GOLGA4: variants seen among roughly 807,000 people sequenced by gnomAD.
GOLGA4 encodes golgin A4.
A neutral mutation model predicts 265.9 loss-of-function variants in GOLGA4; 169 were observed. The observed-to-expected ratio is 0.64, with a 90% CI of 0.56 to 0.72. The LOEUF is 0.72. GOLGA4 is among the 30% of genes least tolerant of loss of function. GOLGA4 has a pLI of 0.00. For synonymous variants in GOLGA4, 923 were observed against 855.8 expected (o/e 1.08, Z -1.37); for missense variants, 2,482 against 2,483.4 (o/e 1.00, Z 0.01).
intron 7 of GOLGA4, among the ~76,000 whole-genome samples, chr3:37,298,145 A>T (rs1487528715): frequency 6.6e-6 from 1 of 152,224 alleles, no homozygotes; most frequent in Non-Finnish European, 1.5e-5. Flanking sequence ...GAGCTGATTT[A>T]TCAAGATAGG....
At position 37,341,928 on chromosome 3, in the gene GOLGA4, AC is replaced by A. The variant is rs60659780; in HGVS notation, c.6472+1730del. ...CAAACACGTTTTTGTCTTTTTTAAA[AC>A]ATTATTTTTCTCAGATTTCTCAAGG... On this transcript the variant is annotated intron_variant, in intron 20 of 23. Transcript: ENST00000361924. 7.1e-3 allele frequency among the ~76,000 whole-genome samples: 1,084 copies of A among 152,322 alleles called. 15 individuals carry two copies. The highest frequency in any genetic ancestry group is 0.024 in the African/African-American group (1,017 of 41,574).
At position 37,285,932 on chromosome 3, in the gene GOLGA4, T is replaced by C. The variant is rs566574805; in HGVS notation, c.478-82T>C. ...ACTCTTCTAATTTATTTTTTGACTT[T>C]CATAAAGAGAATTTTTTAGTGGACT... is the stretch of plus-strand genomic sequence containing the variant. On this transcript the variant is annotated intron_variant, in intron 3 of 23. Transcript: ENST00000361924. The C allele has an allele frequency of 1.1e-5, 9 of 797,046 alleles. No individual in the cohort carries two copies. The South Asian group carries it at 1.6e-4, about 14-fold the overall frequency. 49.4% of individuals were successfully genotyped at this position (797,046 alleles called of 1,614,324 possible).
At chr3:37,250,405 A>G (rs1282931128) in intron 1 of GOLGA4, 2 of 152,198 alleles carry the variant, frequency 1.3e-5, no homozygotes, top group Admixed American at 1.3e-4. Flanking sequence ...CTAAATATGT[A>G]TATGTCTGTC....
chr3:37,282,091 G>A lies in GOLGA4; in HGVS notation c.296G>A (p.Arg99Lys). 1 of 1,614,166 alleles carries A rather than the reference G, an allele frequency of 6.2e-7. No homozygotes were observed. Among genetic ancestry groups the A allele is most frequent in the Non-Finnish European group, 8.5e-7 (1 of 1,180,002 alleles). Residue 99 changes from arginine to lysine, a missense_variant, in exon 3 of 24, where the codon AGA becomes AAA. Physicochemically the swap from Arg to Lys is conservative, Grantham distance 26. This residue lies in a region of GOLGA4 where 1,536 missense variants were observed against 1,483.7 expected (regional missense o/e 1.04). Coordinates refer to ENST00000361924, the MANE Select transcript of GOLGA4 (RefSeq NM_002078.5). ...GAGTCTTTGGTACGAACATCTTCCA[G>A]AGAATCCCTGAATCGACTTGACCTG... ...SKESLVRTSS[R>K]ESLNRLDLDS...
At chr3:37,287,282 A>T (rs556617150) in intron 4 of GOLGA4, among the ~76,000 whole-genome samples, 2 of 152,366 alleles carry the variant, frequency 1.3e-5, no homozygotes, top group South Asian at 4.1e-4. Context: ...CAGAGGTTGC[A>T]TTAAGCCAAG....
At chr3:37,309,814 A>C (rs917792474) in intron 10 of GOLGA4, among the ~76,000 whole-genome samples, 2 of 152,232 alleles carry the variant, frequency 1.3e-5, no homozygotes, top group Admixed American at 6.5e-5. Flanking sequence ...CTACTCTTAC[A>C]TAGACACGTA....
chr3:37,323,626 A>G lies in GOLGA4; in HGVS notation c.1740A>G (p.Leu580=), dbSNP rs1489615065. The stretch of plus-strand genomic sequence containing the variant: ...TGGAAAGTTCTTTGGAAAAAAGCTT[A>G]CAAGAAAACAAAAATCAGTCAAAAG... ...LELESSLEKS[L]QENKNQSKDL... Residue 580 remains leucine (L), a synonymous_variant, in exon 14 of 24, where the codon TTA becomes TTG. Transcript: ENST00000361924. 6.3e-7 allele frequency: 1 copy of G among 1,577,210 alleles called. No individual in the cohort carries two copies. The highest frequency in any genetic ancestry group is 8.6e-7 in the Non-Finnish European group (1 of 1,167,518).
chr3:37,262,656 A>G (rs2096772998), intron 2 of GOLGA4, among the ~76,000 whole-genome samples: 1 of 152,138 alleles, frequency 6.6e-6, no homozygotes. Flanking sequence ...TAATCCCAGC[A>G]GTTTGGGAGG....
At chr3:37,305,756 A>G (rs2096904391) in intron 10 of GOLGA4, among the ~76,000 whole-genome samples, 1 of 152,236 alleles carries the variant, frequency 6.6e-6, no homozygotes, top group South Asian at 2.1e-4. Context: ...TATCTAGAAA[A>G]TAAACTCTCC....
In GOLGA4 at chr3:37,306,501, CTGTGTGTG is replaced by C. The variant is rs35641880; in HGVS notation, c.1234+4205_1234+4212del. Among the ~76,000 whole-genome samples, 690 of 140,210 alleles carry C rather than the reference CTGTGTGTG, an allele frequency of 4.9e-3. 2 individuals carry two copies. Among genetic ancestry groups the C allele is most frequent in the African/African-American group, 0.014 (529 of 38,622 alleles). The allele number at this position is 140,210 out of a possible 152,430, so 92.0% of individuals were successfully genotyped here. A position where few individuals can be genotyped will look rare whatever the true frequency, so the allele number is the denominator to read the frequency against. On this transcript the variant is annotated intron_variant, in intron 10 of 23. Coordinates refer to ENST00000361924, the MANE Select transcript of GOLGA4 (RefSeq NM_002078.5). The stretch of plus-strand genomic sequence containing the variant: ...GTTCACACTAGTTCTTGGCTGTTCT[CTGTGTGTG>C]TGTGTGTGTGTGTGTGTGTGTGTGT...
chr3:37,299,005 A>G lies in GOLGA4; in HGVS notation c.987A>G (p.Glu329=). Residue 329 remains glutamate, a synonymous_variant, in exon 8 of 24, where the codon GAA becomes GAG. Transcript: ENST00000361924. Reference sequence around the variant, plus strand: ...AACAACTGGATGAAAGACTTCAAGAACTAGAAAAGATAAAGGTAAAAGAGC... The same window carrying G: ...AACAACTGGATGAAAGACTTCAAGAGCTAGAAAAGATAAAGGTAAAAGAGC... The part of the protein sequence containing the change: ...LQEQLDERLQ[E]LEKIKDLHMA... 1 of 1,590,590 alleles carries G rather than the reference A, an allele frequency of 6.3e-7. No homozygotes were observed. The highest frequency in any genetic ancestry group is 8.5e-7 in the Non-Finnish European group (1 of 1,173,536).
chr3:37,281,361 C>T (rs531454437), intron 2 of GOLGA4, among the ~76,000 whole-genome samples: 2 of 152,196 alleles, frequency 1.3e-5, no homozygotes, highest in African/African-American at 2.4e-5. Flanking sequence ...TTGGCTGTTA[C>T]TAGTCAACTC....
At chr3:37,287,798 G>C (rs1298294542) in intron 4 of GOLGA4, among the ~76,000 whole-genome samples, 1 of 152,072 alleles carries the variant, frequency 6.6e-6, no homozygotes, top group Non-Finnish European at 1.5e-5. Flanking sequence ...TTTGGTTTTT[G>C]TTTTATTCAC....
chr3:37,272,069 G>C (rs2096800191), intron 2 of GOLGA4, among the ~76,000 whole-genome samples: 1 of 152,142 alleles, frequency 6.6e-6, no homozygotes, highest in South Asian at 2.1e-4. Context: ...GGCTCCCACT[G>C]ATTCTATATT....
At chr3:37,256,005 A>C (rs2096747649) in intron 2 of GOLGA4, among the ~76,000 whole-genome samples, 1 of 152,170 alleles carries the variant, frequency 6.6e-6, no homozygotes, top group African/African-American at 2.4e-5. Flanking sequence ...AGTCCCAGCT[A>C]CTCAGGAGGC....
intron 15 of GOLGA4, 84 bp from the exon 16 acceptor site, chr3:37,328,879 A>C: frequency 9.2e-7 from 1 of 1,090,884 alleles, no homozygotes; most frequent in Non-Finnish European, 1.3e-6. Context: ...ATTAATTGGA[A>C]TGAGAGTTGT....
intron 1 of GOLGA4, among the ~76,000 whole-genome samples, chr3:37,247,309 G>A (rs141579759): frequency 2.6e-4 from 40 of 152,296 alleles, no homozygotes; most frequent in African/African-American, 9.6e-4. Flanking sequence ...CCAGATGTTA[G>A]TTATGAACAG....
chr3:37,303,251 G>A (rs893432139), intron 10 of GOLGA4, among the ~76,000 whole-genome samples: 3 of 152,236 alleles, frequency 2.0e-5, no homozygotes, highest in African/African-American at 7.2e-5. Flanking sequence ...TGTGATGGGA[G>A]CTAGGGTTTT....
At chr3:37,329,254 A>G (rs1445482996) in intron 16 of GOLGA4, 161 bp downstream of exon 16, 10 of 506,360 alleles carry the variant, frequency 2.0e-5, no homozygotes, top group Non-Finnish European at 3.3e-5. Flanking sequence ...CAGATTTATA[A>G]AGTTGAGTTG....
Sources: gnomAD v4.1 joint callset for allele counts (sites outside exome capture counted in the v4.1 genomes callset) on GRCh38, gnomAD v4.1.1 for gene constraint, gnomAD v4.1.1 regional missense constraint, MANE v1.5 for transcripts, NCBI Gene and HGNC (gene_info 2026-07-23, HGNC 2026-07-21) for gene names.